MDN1: variants seen among roughly 807,000 people sequenced by gnomAD.
The protein encoded by MDN1 is midasin AAA ATPase 1.
MDN1 carries 266 observed loss-of-function variants against 669.2 expected under a neutral mutation model. That is an observed-to-expected ratio of 0.40 (90% confidence interval 0.36 to 0.44). The LOEUF (loss-of-function observed/expected upper bound fraction) is 0.44. Ranked by LOEUF, MDN1 falls within the 20% of genes least tolerant of loss-of-function variation. MDN1 has a pLI of 1.00. For synonymous variants in MDN1, 2,385 were observed against 2,457.1 expected, an observed-to-expected ratio of 0.97 and a Z score of 0.87; for missense variants, 5,940 against 6,754.0, an observed-to-expected ratio of 0.88 and a Z score of 4.22.
At chr6:89,747,014 A>G (rs1816674139) in intron 27 of MDN1, among the ~76,000 whole-genome samples, 1 of 152,216 alleles carries the variant, frequency 6.6e-6, no homozygotes, top group Admixed American at 6.5e-5. Flanking sequence ...CTGTGGTGAC[A>G]CTGCAGAAAA....
chr6:89,797,699 T>C (rs1454931977), intron 2 of MDN1: 2 of 462,728 alleles, frequency 4.3e-6, no homozygotes, highest in Admixed American at 2.5e-5. Flanking sequence ...CTGCCTTCAG[T>C]GGTGGCTATT....
intron 99 of MDN1, among the ~76,000 whole-genome samples, chr6:89,646,840 G>T (rs773856741): frequency 1.3e-5 from 2 of 152,172 alleles, no homozygotes; most frequent in Non-Finnish European, 2.9e-5. Flanking sequence ...GTGTCACCCA[G>T]GCTGGAGTGT....
At chr6:89,660,847 G>GA (rs1809698472) in intron 88 of MDN1, among the ~76,000 whole-genome samples, 1 of 152,160 alleles carries the variant, frequency 6.6e-6, no homozygotes, top group Non-Finnish European at 1.5e-5. Flanking sequence ...GCAGCAGCAG[G>GA]AATGGGGCCC....
intron 9 of MDN1, among the ~76,000 whole-genome samples, chr6:89,782,101 C>T (rs1195245757): frequency 1.3e-5 from 2 of 152,180 alleles, no homozygotes; most frequent in African/African-American, 4.8e-5. Context: ...TGATGATTTT[C>T]TTCCTACCCA....
chr6:89,670,938 A>G lies in MDN1; in HGVS notation c.13937T>C (p.Phe4646Ser). The G allele has an allele frequency of 6.2e-7, 1 of 1,614,132 alleles. No individual in the cohort carries two copies. The highest frequency in any genetic ancestry group is 8.5e-7 in the Non-Finnish European group (1 of 1,180,000). ...CCTTACCTTCTGGGCAAGCTCTGTAAAGACCTGGGCAAGCACAGAGAGCAG... is the reference window on the plus strand; with the variant it reads ...CCTTACCTTCTGGGCAAGCTCTGTAGAGACCTGGGCAAGCACAGAGAGCAG... ...AKLLSVLAQV[F>S]TELAQKGFCL... The change falls in exon 83 of 102, where the codon TTT becomes TCT. Residue 4646 changes from phenylalanine to serine, a missense_variant. Phe to Ser is a radical substitution (Grantham distance 155). Around this residue, in one of 5 missense-constraint regions of MDN1, gnomAD observed 2,280 missense variants for 2,576.3 expected, o/e 0.88. Coordinates refer to ENST00000369393, the MANE Select transcript of MDN1 (RefSeq NM_014611.3).
chr6:89,677,607 A>G lies in MDN1; in HGVS notation c.12502T>C (p.Leu4168=), dbSNP rs773846915. The G allele has an allele frequency of 1.2e-5, 19 of 1,614,082 alleles. No homozygotes were observed. The highest frequency in any genetic ancestry group is 4.0e-5 in the African/African-American group (3 of 74,934). Residue 4168 remains leucine, a synonymous_variant, in exon 76 of 102, where the codon TTG becomes CTG. Coordinates refer to ENST00000369393, the MANE Select transcript of MDN1 (RefSeq NM_014611.3). ...HLHPLDLQSA[L]SIVSSTQEAD... ...TCCTGAGTGCTGCTGACGATGGACAATGCGCTCTGGAGATCTAATGGGTGA... is the reference window on the plus strand; with the variant it reads ...TCCTGAGTGCTGCTGACGATGGACAGTGCGCTCTGGAGATCTAATGGGTGA...
chr6:89,661,948 G>A, intron 87 of MDN1, 139 bp downstream of exon 87: 2 of 986,620 alleles, frequency 2.0e-6, no homozygotes, highest in Non-Finnish European at 3.0e-6. Context: ...AAGAGCCTCT[G>A]TTGCATATTC....
chr6:89,723,273 T>C (rs1814968037), intron 39 of MDN1, 130 bp from the exon 40 acceptor site: 1 of 950,982 alleles, frequency 1.1e-6, no homozygotes, highest in African/African-American at 1.6e-5. Flanking sequence ...TCAGAGCCTC[T>C]TTCTCAAGAC....
At position 89,770,795 on chromosome 6, in the gene MDN1, G is replaced by T. The variant is rs552929847; in HGVS notation, c.2144+766C>A. Among the ~76,000 whole-genome samples, 54 of 152,228 alleles carry T rather than the reference G, an allele frequency of 3.5e-4. 1 individual carries two copies. The East Asian group carries it at 9.6e-3, about 27-fold the overall frequency. On this transcript the variant is annotated intron_variant, in intron 15 of 101. Coordinates refer to ENST00000369393, the MANE Select transcript of MDN1 (RefSeq NM_014611.3). ...TGGGATTACAGGTGTGAGCCGCCAC[G>T]CCTGGCCCAGAACTTACACTTTAGA... is the stretch of plus-strand genomic sequence containing the variant.
chr6:89,806,509 G>A (rs1433855077), intron 1 of MDN1, among the ~76,000 whole-genome samples: 1 of 152,160 alleles, frequency 6.6e-6, no homozygotes, highest in Non-Finnish European at 1.5e-5. Context: ...TTGAGGTCAG[G>A]AGTTTGAGAC....
At position 89,678,626 on chromosome 6, in the gene MDN1, C is replaced by T; in HGVS notation, c.12385G>A (p.Asp4129Asn). 1 of 1,614,112 alleles carries T rather than the reference C, an allele frequency of 6.2e-7. No homozygotes were observed. The highest frequency in any genetic ancestry group is 8.5e-7 in the Non-Finnish European group (1 of 1,179,994). Residue 4129 changes from aspartate to asparagine, a missense_variant, in exon 75 of 102, where the codon GAC (aspartate) becomes AAC (asparagine). By Grantham distance (23) the Asp-to-Asn change is conservative. Coordinates refer to ENST00000369393, the MANE Select transcript of MDN1 (RefSeq NM_014611.3). ...ATTTTTGCAAGGTGTTTAAAGAGGT[C>T]TGACAAAGCTCGCTGTTTTTGCATG... ...ILMQKQRALS[D>N]LFKHLAKIGL...
chr6:89,763,704 C>G (rs1242769243), intron 15 of MDN1, among the ~76,000 whole-genome samples: 1 of 151,986 alleles, frequency 6.6e-6, no homozygotes, highest in Non-Finnish European at 1.5e-5. Flanking sequence ...TGTTTCACAA[C>G]AAACGTAAGG....
At chr6:89,787,983 T>C in intron 7 of MDN1, 26 bp from the exon 8 acceptor site, 1 of 1,545,304 alleles carries the variant, frequency 6.5e-7, no homozygotes, top group Non-Finnish European at 8.9e-7. Context: ...ACAACCGCAC[T>C]GATAAAGTAA....
rs183262103 is a variant in MDN1, at chr6:89,670,977, C to T, written c.13898G>A (p.Arg4633His). Residue 4633 changes from arginine (R) to histidine (H), a missense_variant, in exon 83 of 102, where the codon CGT (arginine) becomes CAT (histidine). Arg to His is a conservative substitution (Grantham distance 29). This residue lies in a region of MDN1 where 2,280 missense variants were observed against 2,576.3 expected (regional missense o/e 0.88). Coordinates refer to ENST00000369393, the MANE Select transcript of MDN1 (RefSeq NM_014611.3). Reference protein sequence around the residue: ...FFLTMSLATHRSTAKLLSVLA... With the variant: ...FFLTMSLATHHSTAKLLSVLA... Reference sequence around the variant, plus strand: ...CACAGAGAGCAGCTTTGCAGTACTACGGTGAGTTGCTAAAGACATGGTCAG... The same window carrying T: ...CACAGAGAGCAGCTTTGCAGTACTATGGTGAGTTGCTAAAGACATGGTCAG... 2.0e-5 allele frequency: 32 copies of T among 1,614,140 alleles called. No individual in the cohort carries two copies. The highest frequency in any genetic ancestry group is 1.1e-4 in the East Asian group (5 of 44,888).
intron 6 of MDN1, 123 bp downstream of exon 6, chr6:89,790,036 G>C (rs1157021777): frequency 1.3e-6 from 2 of 1,581,270 alleles, no homozygotes; most frequent in Non-Finnish European, 1.7e-6. Flanking sequence ...GTTTACATAG[G>C]TTGGCCCCAA....
At position 89,718,439 on chromosome 6, in the gene MDN1, A is replaced by C. The variant is rs192239610; in HGVS notation, c.6510T>G (p.Ile2170Met). Residue 2170 changes from isoleucine to methionine, a missense_variant, in exon 43 of 102, where the codon ATT becomes ATG. By Grantham distance (10) the Ile-to-Met change is conservative. Transcript: ENST00000369393. Reference protein sequence around the residue: ...GEGGKAITMEIVNKLEAVLLL... With the variant: ...GEGGKAITMEMVNKLEAVLLL... Reference sequence around the variant, plus strand: ...ATAACACTGCTTCTAGTTTGTTGACAATCTCCATCGTGATAGCTTTACCAC... The same window carrying C: ...ATAACACTGCTTCTAGTTTGTTGACCATCTCCATCGTGATAGCTTTACCAC... 1 of 1,614,124 alleles carries C rather than the reference A, an allele frequency of 6.2e-7. No individual in the cohort carries two copies. The highest frequency in any genetic ancestry group is 2.2e-5 in the East Asian group (1 of 44,886).
intron 72 of MDN1, 35 bp downstream of exon 72, chr6:89,683,796 A>G: frequency 6.5e-7 from 1 of 1,529,618 alleles, no homozygotes; most frequent in Non-Finnish European, 9.1e-7. Context: ...ATTCTATTCT[A>G]TTTTGGTTGT....
chr6:89,796,640 C>G lies in MDN1; in HGVS notation c.330-1839G>C, dbSNP rs1431700260. ...ACGGGAGATGCTGATAATGGCGAGG[C>G]TATGGATGTGTGGGTACAGTGTGTA... On this transcript the variant is annotated intron_variant, in intron 2 of 101. Transcript: ENST00000369393. Among the ~76,000 whole-genome samples, 4 of 152,222 alleles carry G rather than the reference C, an allele frequency of 2.6e-5. No individual in the cohort carries two copies. In the East Asian group the frequency reaches 5.8e-4, roughly 22 times the overall value.
At chr6:89,772,522 A>T (rs566888284) in intron 14 of MDN1, 51 bp downstream of exon 14, 1 of 1,578,990 alleles carries the variant, frequency 6.3e-7, no homozygotes, top group African/African-American at 1.4e-5. Context: ...AAGGAAAAAA[A>T]GTAGTCAGTG....
Sources: allele counts gnomAD v4.1 joint callset (sites outside exome capture counted in the v4.1 genomes callset), GRCh38; gene constraint gnomAD v4.1.1; regional missense constraint gnomAD v4.1.1; transcripts MANE v1.5; gene names NCBI Gene and HGNC (gene_info 2026-07-23, HGNC 2026-07-21).